The following ULK4 variants were observed in gnomAD, a reference collection of about 807,000 sequenced individuals.
ULK4 encodes the protein unc-51 like kinase 4.
A neutral mutation model predicts 160.6 loss-of-function variants in ULK4; 133 were observed. That is an observed-to-expected ratio of 0.83 (90% CI 0.72 to 0.96). The LOEUF is 0.96. Among genes scored for constraint, ULK4 ranks in the 40% least tolerant of loss-of-function variants. ULK4 has a pLI of 0.00. For missense variants in ULK4, 1,580 were observed against 1,499.5 expected (o/e 1.05, Z -0.89); for synonymous variants, 534 against 539.8 (o/e 0.99, Z 0.15).
At chr3:41,683,294 C>T (rs1464620738) in intron 27 of ULK4, among the ~76,000 whole-genome samples, 2 of 152,032 alleles carry the variant, frequency 1.3e-5, no homozygotes, top group Admixed American at 6.6e-5. Context: ...TCCAATGAAG[C>T]CTCGTCTGGG....
In ULK4 at chr3:41,717,879, C is replaced by G; in HGVS notation, c.2322-18G>C. The G allele has an allele frequency of 6.2e-7, 1 of 1,611,802 alleles. No individual in the cohort carries two copies. Among genetic ancestry groups the G allele is most frequent in the Non-Finnish European group, 8.5e-7 (1 of 1,178,278 alleles). ...TCACCAGTCTACATACAGGAAAGTG[C>G]AAAGATTACCTCTCATGATAAAACA... On this transcript the variant is annotated intron_variant, in intron 22 of 36. Transcript: ENST00000301831.
intron 32 of ULK4, among the ~76,000 whole-genome samples, chr3:41,557,582 A>T (rs2087346412): frequency 6.7e-6 from 1 of 148,666 alleles, no homozygotes; most frequent in East Asian, 2.0e-4. Context: ...CCTGGTTAAC[A>T]TAGCAAGACC....
intron 34 of ULK4, among the ~76,000 whole-genome samples, chr3:41,444,796 G>A (rs1307648345): frequency 2.0e-5 from 3 of 152,096 alleles, no homozygotes; most frequent in Non-Finnish European, 4.4e-5. Context: ...TGGCCAGTAT[G>A]GTGAAATCCC....
intron 35 of ULK4, among the ~76,000 whole-genome samples, chr3:41,310,924 T>C (rs979282791): frequency 1.3e-5 from 2 of 151,694 alleles, no homozygotes; most frequent in African/African-American, 2.4e-5. Context: ...ACCCGGGAAG[T>C]TGAGGCTGCA....
chr3:41,540,902 C>T (rs921998219), intron 32 of ULK4, among the ~76,000 whole-genome samples: 42 of 151,750 alleles, frequency 2.8e-4, no homozygotes, highest in Non-Finnish European at 5.3e-4. Flanking sequence ...TGTAAATTTG[C>T]TAAGTTCTTT....
chr3:41,957,042 A>G (rs1446925605), intron 1 of ULK4, among the ~76,000 whole-genome samples: 3 of 152,240 alleles, frequency 2.0e-5, no homozygotes, highest in Admixed American at 6.5e-5. Flanking sequence ...TTTAGTTTTC[A>G]TAAGTAAATA....
At chr3:41,645,762 T>C (rs972065528) in intron 30 of ULK4, among the ~76,000 whole-genome samples, 9 of 152,206 alleles carry the variant, frequency 5.9e-5, no homozygotes, top group African/African-American at 9.7e-5. Flanking sequence ...ACTTTCTGTC[T>C]TGTTGATCTG....
At chr3:41,437,820 C>A (rs1357503456) in intron 34 of ULK4, among the ~76,000 whole-genome samples, 1 of 152,186 alleles carries the variant, frequency 6.6e-6, no homozygotes, top group East Asian at 1.9e-4. Flanking sequence ...AATAGCACCA[C>A]AGAAAGACTT....
intron 20 of ULK4, among the ~76,000 whole-genome samples, chr3:41,792,577 C>G (rs761218734): frequency 6.6e-6 from 1 of 152,166 alleles, no homozygotes; most frequent in Non-Finnish European, 1.5e-5. Context: ...TATAAAATCC[C>G]TATCCAGTTA....
intron 17 of ULK4, among the ~76,000 whole-genome samples, chr3:41,880,009 A>G (rs1488588927): frequency 2.0e-5 from 3 of 151,900 alleles, no homozygotes; most frequent in Admixed American, 2.0e-4. Context: ...AATCCCAGCT[A>G]CTCGGGAGGC....
At chr3:41,276,788 G>T (rs1039278056) in intron 35 of ULK4, among the ~76,000 whole-genome samples, 4 of 152,114 alleles carry the variant, frequency 2.6e-5, no homozygotes, top group Admixed American at 2.6e-4. Flanking sequence ...AAAAGACAAT[G>T]AACTACATAA....
intron 22 of ULK4, among the ~76,000 whole-genome samples, chr3:41,734,685 C>A (rs543384750): frequency 6.6e-6 from 1 of 152,254 alleles, no homozygotes; most frequent in South Asian, 2.1e-4. Flanking sequence ...ATTATGAGCC[C>A]TAAAACTACA....
intron 35 of ULK4, among the ~76,000 whole-genome samples, chr3:41,264,070 A>G (rs1489657798): frequency 6.6e-6 from 1 of 152,236 alleles, no homozygotes; most frequent in Non-Finnish European, 1.5e-5. Context: ...TGAGGAGGTG[A>G]CACATAAGCC....
At chr3:41,647,455 C>G (rs1191803940) in intron 30 of ULK4, among the ~76,000 whole-genome samples, 3 of 152,320 alleles carry the variant, frequency 2.0e-5, no homozygotes, top group South Asian at 4.1e-4. Context: ...TGCTAGAGGT[C>G]CACTCCAGAC....
chr3:41,709,307 T>C (rs2037010596), intron 25 of ULK4, among the ~76,000 whole-genome samples: 2 of 152,250 alleles, frequency 1.3e-5, no homozygotes, highest in South Asian at 4.1e-4. Context: ...GCAAGCCCTT[T>C]AAAAAGTGAA....
At chr3:41,802,154 A>G (rs1360966743) in intron 19 of ULK4, among the ~76,000 whole-genome samples, 1 of 152,204 alleles carries the variant, frequency 6.6e-6, no homozygotes, top group African/African-American at 2.4e-5. Flanking sequence ...AAAATATTAA[A>G]GGAAATTATT....
At chr3:41,919,878 C>A in intron 5 of ULK4, 60 bp from the exon 6 acceptor site, 1 of 1,160,052 alleles carries the variant, frequency 8.6e-7, no homozygotes, top group Non-Finnish European at 1.3e-6. Flanking sequence ...CAACACGAAC[C>A]CACCTAGGAA....
At chr3:41,326,139 G>T in intron 35 of ULK4, among the ~76,000 whole-genome samples, 1 of 152,118 alleles carries the variant, frequency 6.6e-6, no homozygotes, top group East Asian at 1.9e-4. Context: ...CATGGGCAGG[G>T]GGGGGCTCCC....
chr3:41,400,853 C>T (rs925035745), intron 34 of ULK4, among the ~76,000 whole-genome samples: 1 of 152,174 alleles, frequency 6.6e-6, no homozygotes, highest in Non-Finnish European at 1.5e-5. Flanking sequence ...AGTGTTATCA[C>T]TATTTTTTTA....
Sources: gnomAD v4.1 joint callset for allele counts (sites outside exome capture counted in the v4.1 genomes callset) on GRCh38, gnomAD v4.1.1 for gene constraint, MANE v1.5 for transcripts, NCBI Gene and HGNC (gene_info 2026-07-23, HGNC 2026-07-21) for gene names.